Variants in ANO6 observed in about 807,000 individuals in gnomAD.
ANO6 encodes the protein anoctamin 6.
ANO6 carries 106 observed loss-of-function variants against 117.5 expected under a neutral mutation model. The observed-to-expected ratio is 0.90, with a 90% CI of 0.77 to 1.06. The LOEUF (loss-of-function observed/expected upper bound fraction) is 1.06, where lower values mean the gene tolerates loss of function less well. Ranked by LOEUF, ANO6 falls within the 50% of genes least tolerant of loss-of-function variation. ANO6 has a pLI of 0.00. For missense variants in ANO6, 955 were observed against 1,121.1 expected, an observed-to-expected ratio of 0.85 and a Z score of 2.12; for synonymous variants, 367 against 385.1, an observed-to-expected ratio of 0.95 and a Z score of 0.55.
intron 1 of ANO6, among the ~76,000 whole-genome samples, chr12:45,228,505 G>A (rs73094549): frequency 1.0e-3 from 158 of 152,046 alleles, no homozygotes; most frequent in Non-Finnish European, 1.9e-3. Context: ...CAAAAAGTGC[G>A]GAAGGAAACA....
At chr12:45,434,618 A>G (rs909100731), downstream of ANO6, among the ~76,000 whole-genome samples, 1 of 152,208 alleles carries the variant, frequency 6.6e-6, no homozygotes, top group African/African-American at 2.4e-5. Context: ...AGGGAAATAA[A>G]AGACAATTAA....
At chr12:45,389,479 T>G (rs1250796538) in intron 11 of ANO6, among the ~76,000 whole-genome samples, 6 of 152,260 alleles carry the variant, frequency 3.9e-5, no homozygotes, top group Non-Finnish European at 7.3e-5. Flanking sequence ...ATTTGGTCAT[T>G]TAAACCTGCC....
chr12:45,218,198 A>G (rs1482770608), intron 1 of ANO6, among the ~76,000 whole-genome samples: 1 of 152,092 alleles, frequency 6.6e-6, no homozygotes, highest in Non-Finnish European at 1.5e-5. Context: ...TAATATTAGT[A>G]GGGCATTTCC....
chr12:45,404,989 T>C (rs561741568), intron 15 of ANO6, among the ~76,000 whole-genome samples: 1 of 152,310 alleles, frequency 6.6e-6, no homozygotes, highest in Admixed American at 6.5e-5. Flanking sequence ...TAACAGGTCT[T>C]ATTCTCCATC....
At chr12:45,333,404 A>G (rs1940732056) in intron 3 of ANO6, among the ~76,000 whole-genome samples, 1 of 152,038 alleles carries the variant, frequency 6.6e-6, no homozygotes, top group African/African-American at 2.4e-5. Flanking sequence ...ATGCCAATGG[A>G]TCTGGATTGA....
intron 19 of ANO6, among the ~76,000 whole-genome samples, chr12:45,426,009 C>A (rs575950219): frequency 6.6e-5 from 10 of 152,262 alleles, no homozygotes; most frequent in African/African-American, 2.4e-4. Context: ...CTAATCAATG[C>A]TGTAACGAAA....
chr12:45,269,974 C>T (rs1422712785), intron 1 of ANO6, among the ~76,000 whole-genome samples: 1 of 152,176 alleles, frequency 6.6e-6, no homozygotes, highest in Non-Finnish European at 1.5e-5. Context: ...ATTACTGATG[C>T]CTGAGGCCAC....
chr12:45,316,053 T>A (rs1220542545), intron 2 of ANO6, among the ~76,000 whole-genome samples: 1 of 152,108 alleles, frequency 6.6e-6, no homozygotes, highest in East Asian at 1.9e-4. Flanking sequence ...ATCAGATTTA[T>A]TTATTTCTTC....
At chr12:45,222,805 C>A (rs1046362811) in intron 1 of ANO6, among the ~76,000 whole-genome samples, 48 of 152,234 alleles carry the variant, frequency 3.2e-4, no homozygotes, top group African/African-American at 1.1e-3. Context: ...CTGCCCCATA[C>A]CCTGGAGGAA....
intron 16 of ANO6, 52 bp from the exon 17 acceptor site, chr12:45,416,647 G>T: frequency 6.4e-7 from 1 of 1,565,548 alleles, no homozygotes. Context: ...AGGAAAATAT[G>T]TTGTCCTTCC....
At chr12:45,439,748 A>G in exon 20 of ANO6, 1 of 1,543,920 alleles carries the variant, frequency 6.5e-7, no homozygotes, top group East Asian at 2.5e-5. Flanking sequence ...CTCCCAGTTG[A>G]CTGCTGTATG....
intron 7 of ANO6, 37 bp downstream of exon 7, chr12:45,350,811 T>A (rs375536964): frequency 1.5e-5 from 23 of 1,511,288 alleles, no homozygotes; most frequent in African/African-American, 2.7e-5. Flanking sequence ...GGGGAGGCAC[T>A]CAGGGTGTTA....
chr12:45,231,982 A>G (rs971666437), intron 1 of ANO6, among the ~76,000 whole-genome samples: 1 of 152,190 alleles, frequency 6.6e-6, no homozygotes, highest in African/African-American at 2.4e-5. Context: ...AAAGAAAAAA[A>G]TCATCTGAAA....
At chr12:45,339,408 T>C (rs147644660) in intron 3 of ANO6, among the ~76,000 whole-genome samples, 127 of 152,292 alleles carry the variant, frequency 8.3e-4, no homozygotes, top group African/African-American at 2.9e-3. Flanking sequence ...AGAATAGTTA[T>C]CTTGGCAGTG....
At chr12:45,371,824 G>A (rs1410043682) in intron 9 of ANO6, among the ~76,000 whole-genome samples, 23 of 152,202 alleles carry the variant, frequency 1.5e-4, no homozygotes, top group Non-Finnish European at 2.8e-4. Flanking sequence ...CCAAAGGAAC[G>A]CAGTTCCTCA....
intron 1 of ANO6, among the ~76,000 whole-genome samples, chr12:45,277,174 A>AT (rs1408717105): frequency 6.6e-6 from 1 of 152,018 alleles, no homozygotes; most frequent in African/African-American, 2.4e-5. Flanking sequence ...CTCAATTGTA[A>AT]TTGTGTTATA....
downstream of ANO6, among the ~76,000 whole-genome samples, chr12:45,437,235 C>T (rs1420595960): frequency 2.0e-5 from 3 of 152,178 alleles, no homozygotes; most frequent in Non-Finnish European, 2.9e-5. Flanking sequence ...TTTTTACTGT[C>T]ATTCTCTCAC....
At position 45,414,259 on chromosome 12, in the gene ANO6, TG is replaced by T. The variant is rs773215742; in HGVS notation, c.2012-2439del. Reference sequence around the variant, plus strand: ...TTATGAAAAAGTTGCAGGCAAGGGTTGTTTTTTTTTCAGTGGGTGTTTTGCG... The same window carrying T: ...TTATGAAAAAGTTGCAGGCAAGGGTTTTTTTTTTTCAGTGGGTGTTTTGCG... On this transcript the variant is annotated intron_variant, in intron 16 of 19. Coordinates refer to ENST00000320560, the MANE Select transcript of ANO6 (RefSeq NM_001025356.3). Among the ~76,000 whole-genome samples the T allele has an allele frequency of 2.0e-5, 3 of 152,130 alleles. No individual in the cohort carries two copies. In the East Asian group the frequency reaches 5.8e-4, roughly 29 times the overall value.
At position 45,431,614 on chromosome 12, in the gene ANO6, A is replaced by G; in HGVS notation, c.*2303A>G. Reference sequence around the variant, plus strand: ...AAGATGCCCAAAAGAGCAAAGTTGTAGTGGAGATGCAGGGTCATTTCCCCA... The same window carrying G: ...AAGATGCCCAAAAGAGCAAAGTTGTGGTGGAGATGCAGGGTCATTTCCCCA... On this transcript the variant is annotated 3_prime_UTR_variant, in exon 20 of 20. Transcript: ENST00000320560. 6.1e-6 allele frequency: 6 copies of G among 985,440 alleles called. No homozygotes were observed. Among genetic ancestry groups the G allele is most frequent in the Non-Finnish European group, 7.2e-6 (6 of 829,934 alleles). The allele number at this position is 985,440 out of a possible 1,614,324, so 61.0% of individuals were successfully genotyped here.
Sources: allele counts gnomAD v4.1 joint callset (sites outside exome capture counted in the v4.1 genomes callset), GRCh38; gene constraint gnomAD v4.1.1; transcripts MANE v1.5; gene names NCBI Gene and HGNC (gene_info 2026-07-23, HGNC 2026-07-21).